The following ITGA4 variants were observed in gnomAD, a reference collection of about 807,000 sequenced individuals.
The protein encoded by ITGA4 is integrin subunit alpha 4, also known as integrin alpha-4.
ITGA4 carries 63 observed loss-of-function variants against 133.6 expected under a neutral mutation model. That is an observed-to-expected ratio of 0.47 (90% CI 0.38 to 0.58). The LOEUF (loss-of-function observed/expected upper bound fraction) is 0.58. Among genes scored for constraint, ITGA4 ranks in the 20% least tolerant of loss-of-function variants. The probability of loss-of-function intolerance (pLI) is 0.00; values close to 1 mark genes in which losing one functional copy is unlikely to be tolerated. For synonymous variants in ITGA4, 483 were observed against 438.0 expected, an observed-to-expected ratio of 1.10 and a Z score of -1.28; for missense variants, 1,076 against 1,252.7, an observed-to-expected ratio of 0.86 and a Z score of 2.13.
Position 181,495,892 on chromosome 2 carries a change from A to G in ITGA4, c.1495A>G (p.Thr499Ala). ...ATGGCCTTCTGTGTGCATAGATCTA[A>G]CACTTTGTTTCTCATATAAGGGCAA... is the stretch of plus-strand genomic sequence containing the variant. Reference protein sequence around the residue: ...NGWPSVCIDLTLCFSYKGKEV... With the variant: ...NGWPSVCIDLALCFSYKGKEV... The change falls in exon 14 of 28, where the codon ACA becomes GCA. Residue 499 changes from threonine to alanine, a missense_variant. This residue lies in a region of ITGA4 where 436 missense variants were observed against 590.7 expected (regional missense o/e 0.74). Transcript: ENST00000397033. This position sits in a 1 kb window ranked among gnomAD's most constrained non-coding sequence, Gnocchi z 4.3. The G allele has an allele frequency of 6.2e-7, 1 of 1,614,036 alleles. No homozygotes were observed. Among genetic ancestry groups the G allele is most frequent in the South Asian group, 1.1e-5 (1 of 91,080 alleles).
At chr2:181,520,818 G>A (rs1380443179) in intron 17 of ITGA4, among the ~76,000 whole-genome samples, 3 of 152,060 alleles carry the variant, frequency 2.0e-5, no homozygotes, top group Non-Finnish European at 4.4e-5. Context: ...ATTTGGGAAC[G>A]ATGAACTTAG....
rs147359245 is a variant in ITGA4 at position 181,531,599 on chromosome 2, T to G, written c.2665-58T>G. The G allele has an allele frequency of 2.2e-4, 219 of 987,426 alleles. No homozygotes were observed. The African/African-American group carries it at 3.3e-3, about 15-fold the overall frequency. 61.2% of individuals were successfully genotyped at this position (987,426 alleles called of 1,614,324 possible). The stretch of plus-strand genomic sequence containing the variant: ...TATATTAAATTCTATATAAAATATT[T>G]TAAAAATATTTTCCAATGTTGAAAA... On this transcript the variant is annotated intron_variant, in intron 24 of 27. Coordinates refer to ENST00000397033, the MANE Select transcript of ITGA4 (RefSeq NM_000885.6).
At position 181,481,825 on chromosome 2, in the gene ITGA4, G is replaced by T. The variant is rs995123942; in HGVS notation, c.840+142G>T. On this transcript the variant is annotated intron_variant, in intron 7 of 27. Transcript: ENST00000397033. ...CAGATTATTACATTTAGTGGAATTG[G>T]TGAAAGATGTTATGGTTTTAGAAGA... is the stretch of plus-strand genomic sequence containing the variant. The T allele has an allele frequency of 4.2e-4, 162 of 381,380 alleles. 16 individuals carry two copies. Among genetic ancestry groups the T allele is most frequent in the Non-Finnish European group, 5.7e-5 (12 of 211,836 alleles). The allele number at this position is 381,380 out of a possible 1,614,324, so 23.6% of individuals were successfully genotyped here.
intron 2 of ITGA4, chr2:181,458,536 T>C: frequency 1.8e-6 from 1 of 570,892 alleles, no homozygotes; most frequent in Non-Finnish European, 3.1e-6. Flanking sequence ...ATGATTGCAG[T>C]ACTCTGACAA....
intron 20 of ITGA4, among the ~76,000 whole-genome samples, chr2:181,524,544 A>G (rs2105766819): frequency 6.6e-6 from 1 of 152,336 alleles, no homozygotes; most frequent in South Asian, 2.1e-4. Flanking sequence ...TAATAACTCT[A>G]CAAGATTTAA....
chr2:181,524,148 C>T, intron 19 of ITGA4, 23 bp from the exon 20 acceptor site: 1 of 1,506,574 alleles, frequency 6.6e-7, no homozygotes, highest in Non-Finnish European at 9.0e-7. Context: ...TTTTAATGGG[C>T]TTTCCTGGTC....
intron 10 of ITGA4, 124 bp downstream of exon 10, chr2:181,486,116 GT>G: frequency 7.6e-7 from 1 of 1,313,482 alleles, no homozygotes; most frequent in Non-Finnish European, 1.0e-6. Flanking sequence ...GGCATGCTAA[GT>G]TTTTTCTTTT....
At chr2:181,533,078 T>C (rs1262115523) in intron 25 of ITGA4, among the ~76,000 whole-genome samples, 1 of 152,100 alleles carries the variant, frequency 6.6e-6, no homozygotes, top group East Asian at 1.9e-4. Flanking sequence ...AATAATGAAA[T>C]ATATCTTGGA....
intron 2 of ITGA4, among the ~76,000 whole-genome samples, chr2:181,463,016 G>T (rs1319592975): frequency 6.6e-6 from 1 of 152,144 alleles, no homozygotes; most frequent in Non-Finnish European, 1.5e-5. Context: ...AGTATGGTGA[G>T]ATTTAATCTA....
intron 2 of ITGA4, among the ~76,000 whole-genome samples, chr2:181,467,899 C>T (rs1685459243): frequency 2.0e-5 from 3 of 152,216 alleles, no homozygotes. Context: ...CAGCAATCCT[C>T]TGCTACTACT....
intron 2 of ITGA4, among the ~76,000 whole-genome samples, chr2:181,472,651 AATTGT>A (rs1685582250): frequency 6.6e-6 from 1 of 152,186 alleles, no homozygotes; most frequent in African/African-American, 2.4e-5. Context: ...GAAAACTGAA[AATTGT>A]ATTATAATGA....
In ITGA4 at chr2:181,535,685, A is replaced by G; in HGVS notation, c.*158A>G. The G allele has an allele frequency of 2.3e-6, 2 of 872,544 alleles. No individual in the cohort carries two copies. The highest frequency in any genetic ancestry group is 3.3e-6 in the Non-Finnish European group (2 of 603,986). The allele number at this position is 872,544 out of a possible 1,614,324, so 54.1% of individuals were successfully genotyped here. On this transcript the variant is annotated 3_prime_UTR_variant, in exon 28 of 28. Coordinates refer to ENST00000397033, the MANE Select transcript of ITGA4 (RefSeq NM_000885.6). The stretch of plus-strand genomic sequence containing the variant: ...TTCATGCAAGGGGAAAATCTCAGCA[A>G]TGATTACTCTTTGAGATAGAAGAAC...
intron 2 of ITGA4, among the ~76,000 whole-genome samples, chr2:181,460,566 AGTGTGTGTGTGTGTGTGT>A (rs61016862): frequency 6.8e-6 from 1 of 147,958 alleles, no homozygotes; most frequent in African/African-American, 2.5e-5. Flanking sequence ...TCTGTAGAAG[AGTGTGTGTGTGTGTGTGT>A]GTGTGTGTGT....
intron 2 of ITGA4, among the ~76,000 whole-genome samples, chr2:181,474,411 A>G (rs1353992693): frequency 6.6e-6 from 1 of 152,222 alleles, no homozygotes; most frequent in Admixed American, 6.5e-5. Context: ...AAATGTAAAC[A>G]TAGGGCAGTT....
intron 16 of ITGA4, among the ~76,000 whole-genome samples, chr2:181,511,208 TACTTATTTA>T (rs1686500506): frequency 8.0e-5 from 2 of 24,872 alleles, no homozygotes; most frequent in South Asian, 0.014. Flanking sequence ...CTGAAACCCT[TACTTATTTA>T]ATTTTGTTCA....
intron 2 of ITGA4, among the ~76,000 whole-genome samples, chr2:181,465,175 T>A (rs980555474): frequency 6.6e-6 from 1 of 152,080 alleles, no homozygotes; most frequent in Non-Finnish European, 1.5e-5. Context: ...CAGTCTGTTT[T>A]CTTGCGGAAG....
At chr2:181,467,240 G>A (rs1010815270) in intron 2 of ITGA4, among the ~76,000 whole-genome samples, 45 of 150,896 alleles carry the variant, frequency 3.0e-4, no homozygotes, top group Non-Finnish European at 3.0e-5. Context: ...AAAAAAGACA[G>A]TTGGTGGAAG....
chr2:181,488,363 C>G (rs996094373), intron 10 of ITGA4, among the ~76,000 whole-genome samples: 1 of 152,246 alleles, frequency 6.6e-6, no homozygotes, highest in African/African-American at 2.4e-5. Flanking sequence ...TCCCTCAGCA[C>G]TCCACTCCTA....
intron 16 of ITGA4, among the ~76,000 whole-genome samples, chr2:181,511,257 T>A (rs1368278193): frequency 1.3e-5 from 2 of 152,074 alleles, no homozygotes; most frequent in Non-Finnish European, 2.9e-5. Context: ...TTTCTAAGTA[T>A]CTCCATGTAG....
Sources: allele counts gnomAD v4.1 joint callset (sites outside exome capture counted in the v4.1 genomes callset), GRCh38; gene constraint gnomAD v4.1.1; regional missense constraint gnomAD v4.1.1; non-coding constraint Gnocchi (gnomAD v3.1); transcripts MANE v1.5; gene names NCBI Gene and HGNC (gene_info 2026-07-23, HGNC 2026-07-21).